Variants in PARVA observed in about 807,000 individuals in gnomAD.
The protein encoded by PARVA is alpha-parvin.
A neutral mutation model predicts 52.6 loss-of-function variants in PARVA; 25 were observed. The observed-to-expected ratio is 0.48, with a 90% CI of 0.35 to 0.66. PARVA has a LOEUF of 0.66. PARVA is among the 30% of genes least tolerant of loss of function. The probability of loss-of-function intolerance (pLI) is 0.01; values close to 1 mark genes in which losing one functional copy is unlikely to be tolerated. For missense variants in PARVA, 373 were observed against 450.9 expected (o/e 0.83, Z 1.56); for synonymous variants, 185 against 179.1 (o/e 1.03, Z -0.26).
At chr11:12,391,134 C>A (rs1367095685) in intron 1 of PARVA, among the ~76,000 whole-genome samples, 1 of 152,210 alleles carries the variant, frequency 6.6e-6, no homozygotes, top group African/African-American at 2.4e-5. Context: ...TTTGTTCCTT[C>A]TGATTGTCAC....
At chr11:12,459,100 T>C (rs1244151986) in intron 1 of PARVA, among the ~76,000 whole-genome samples, 1 of 152,156 alleles carries the variant, frequency 6.6e-6, no homozygotes, top group Non-Finnish European at 1.5e-5. Context: ...GTTTTCCGGA[T>C]GTTGGCTTCC....
rs61875456 is a variant in PARVA, at chr11:12,409,364, T to C, written c.136+31581T>C. Among the ~76,000 whole-genome samples, 1,118 of 152,298 alleles carry C rather than the reference T, an allele frequency of 7.3e-3. 11 individuals are homozygous for C. The highest frequency in any genetic ancestry group is 0.012 in the Non-Finnish European group (840 of 68,014). On this transcript the variant is annotated intron_variant, in intron 1 of 12. Transcript: ENST00000334956. ...GCTGAATAGTGGCAGCCCGAAAGTG[T>C]CTATGTCCTAATCCCTGGAATTGTA...
intron 1 of PARVA, among the ~76,000 whole-genome samples, chr11:12,416,269 A>G (rs1940065789): frequency 6.6e-6 from 1 of 152,116 alleles, no homozygotes; most frequent in African/African-American, 2.4e-5. Context: ...GGGCTGGTTG[A>G]GGCAGCTTTT....
rs1229006592 is a variant in PARVA at position 12,443,699 on chromosome 11, A to G, written c.137-30046A>G. On this transcript the variant is annotated intron_variant, in intron 1 of 12. Coordinates refer to ENST00000334956, the MANE Select transcript of PARVA (RefSeq NM_018222.5). ...GGGATTCAGAGATGCAGCCTAGTGG[A>G]TATCAGATGGGAACATGAGGTGCTT... Among the ~76,000 whole-genome samples, 4 of 152,164 alleles carry G rather than the reference A, an allele frequency of 2.6e-5. No individual in the cohort carries two copies. The East Asian group carries it at 7.7e-4, about 29-fold the overall frequency.
At chr11:12,474,969 A>T (rs1368385234) in intron 3 of PARVA, among the ~76,000 whole-genome samples, 1 of 150,080 alleles carries the variant, frequency 6.7e-6, no homozygotes, top group Non-Finnish European at 1.5e-5. Context: ...AAAAAAAAAT[A>T]GCACTGGATG....
chr11:12,463,212 T>TA (rs1940808210), intron 1 of PARVA, among the ~76,000 whole-genome samples: 1 of 152,306 alleles, frequency 6.6e-6, no homozygotes, highest in Non-Finnish European at 1.5e-5. Context: ...CAGTTAGTGA[T>TA]ATATTACTTT....
chr11:12,407,087 G>C (rs555339454), intron 1 of PARVA, among the ~76,000 whole-genome samples: 70 of 152,258 alleles, frequency 4.6e-4, no homozygotes, highest in Non-Finnish European at 6.0e-4. Flanking sequence ...GGGTCAAAAG[G>C]TATGAAGATT....
Position 12,441,544 on chromosome 11 carries a change from C to T in PARVA, c.137-32201C>T, listed in dbSNP as rs1291450573. On this transcript the variant is annotated intron_variant, in intron 1 of 12. Transcript: ENST00000334956. ...GTTTTGGTTAATCCACACCATAAAG[C>T]CGAAAAGCTATTATGTATGTATATT... Among the ~76,000 whole-genome samples, 7 of 152,000 alleles carry T rather than the reference C, an allele frequency of 4.6e-5. No homozygotes were observed. In the South Asian group the frequency reaches 8.3e-4, roughly 18 times the overall value.
chr11:12,432,685 T>A (rs1940331365), intron 1 of PARVA, among the ~76,000 whole-genome samples: 1 of 152,264 alleles, frequency 6.6e-6, no homozygotes, highest in African/African-American at 2.4e-5. Context: ...AACCACGTTC[T>A]GTCATGTGTA....
chr11:12,396,144 A>T (rs1939741530), intron 1 of PARVA, among the ~76,000 whole-genome samples: 1 of 152,170 alleles, frequency 6.6e-6, no homozygotes. Context: ...AGAGAAGTGA[A>T]CTGACTTGTC....
At chr11:12,376,818 C>A, upstream of PARVA, 1 of 655,836 alleles carries the variant, frequency 1.5e-6, no homozygotes, top group Non-Finnish European at 1.9e-6. Context: ...CCTGTTATCT[C>A]AAATGAGTCT....
chr11:12,448,898 G>T (rs971798849), intron 1 of PARVA, among the ~76,000 whole-genome samples: 3 of 152,134 alleles, frequency 2.0e-5, no homozygotes, highest in African/African-American at 7.2e-5. Context: ...TAGGTTCTCT[G>T]TACTCTCTCC....
intron 1 of PARVA, among the ~76,000 whole-genome samples, chr11:12,450,137 G>A (rs1940603740): frequency 6.6e-6 from 1 of 152,138 alleles, no homozygotes; most frequent in Non-Finnish European, 1.5e-5. Flanking sequence ...ACTTGCCCAA[G>A]GTCACACATC....
intron 1 of PARVA, among the ~76,000 whole-genome samples, chr11:12,415,370 C>T (rs1415049582): frequency 6.6e-6 from 1 of 152,040 alleles, no homozygotes; most frequent in African/African-American, 2.4e-5. Context: ...AGGAGAAAGC[C>T]GTATGTTGAC....
chr11:12,449,907 G>C (rs1940600913), intron 1 of PARVA, among the ~76,000 whole-genome samples: 1 of 152,176 alleles, frequency 6.6e-6, no homozygotes, highest in Non-Finnish European at 1.5e-5. Context: ...TATTGTCTTA[G>C]GATTCTACTC....
At chr11:12,384,451 G>GGGGA (rs750905595) in intron 1 of PARVA, among the ~76,000 whole-genome samples, 7 of 152,196 alleles carry the variant, frequency 4.6e-5, no homozygotes, top group Admixed American at 6.5e-5. Context: ...CATTCTAACA[G>GGGGA]GGGAGACAGG....
At chr11:12,398,794 T>G (rs1450511318) in intron 1 of PARVA, among the ~76,000 whole-genome samples, 5 of 152,164 alleles carry the variant, frequency 3.3e-5, no homozygotes, top group Non-Finnish European at 7.3e-5. Flanking sequence ...TCCTTGCTGT[T>G]ATTACCACAT....
chr11:12,417,462 C>T (rs1940083836), intron 1 of PARVA, among the ~76,000 whole-genome samples: 1 of 152,016 alleles, frequency 6.6e-6, no homozygotes, highest in African/African-American at 2.4e-5. Context: ...TTTATACTTG[C>T]ATTGAATAAA....
At position 12,442,641 on chromosome 11, in the gene PARVA, G is replaced by T. The variant is rs549592709; in HGVS notation, c.137-31104G>T. 1.3e-3 allele frequency among the ~76,000 whole-genome samples: 196 copies of T among 152,078 alleles called. 1 individual carries two copies. Among genetic ancestry groups the T allele is most frequent in the South Asian group, 6.9e-3 (33 of 4,792 alleles). On this transcript the variant is annotated intron_variant, in intron 1 of 12. Coordinates refer to ENST00000334956, the MANE Select transcript of PARVA (RefSeq NM_018222.5). ...AGGTACATTGACTAAGCTCTTAGGG[G>T]TGCAGCCTAAGAGCAGAGCCCCTAT...
Sources: gnomAD v4.1 joint callset for allele counts (sites outside exome capture counted in the v4.1 genomes callset) on GRCh38, gnomAD v4.1.1 for gene constraint, MANE v1.5 for transcripts, NCBI Gene and HGNC (gene_info 2026-07-23, HGNC 2026-07-21) for gene names.